Variants in UBAP2 observed in about 807,000 individuals in gnomAD.
The protein encoded by UBAP2 is ubiquitin-associated protein 2.
In UBAP2, 75 loss-of-function variants were observed where a neutral mutation model predicts 139.6. The ratio of observed to expected loss-of-function variants is 0.54; its 90% CI spans 0.45 to 0.65. UBAP2 has a LOEUF of 0.65. Among genes scored for constraint, UBAP2 ranks in the 30% least tolerant of loss-of-function variants. The pLI, the probability that UBAP2 is intolerant of heterozygous loss-of-function variation, is 0.00. For missense variants in UBAP2, 1,368 were observed against 1,369.6 expected, an observed-to-expected ratio of 1.00 and a Z score of 0.02; for synonymous variants, 526 against 526.2, an observed-to-expected ratio of 1.00 and a Z score of 0.01.
intron 15 of UBAP2, among the ~76,000 whole-genome samples, 169 bp downstream of exon 15, chr9:33,943,251 G>T (rs1825385293): frequency 6.6e-6 from 1 of 152,166 alleles, no homozygotes; most frequent in African/African-American, 2.4e-5. Context: ...AAGGGGCAGG[G>T]CAATGAAGAA....
chr9:33,999,987 G>A (rs1310461645), intron 2 of UBAP2, among the ~76,000 whole-genome samples: 3 of 151,698 alleles, frequency 2.0e-5, no homozygotes, highest in African/African-American at 7.3e-5. Flanking sequence ...TCACTCTGTC[G>A]CCCAGGCTGG....
rs201830433 is a variant in UBAP2 at position 33,929,589 on chromosome 9, T to TA, written c.2176-1598dup. Among the ~76,000 whole-genome samples, 479 of 151,302 alleles carry TA rather than the reference T, an allele frequency of 3.2e-3. 3 individuals carry two copies. The highest frequency in any genetic ancestry group is 0.011 in the African/African-American group (435 of 41,210). ...ATGGAAGAAAATACACAGATCTATG[T>TA]AAAAAAAAATCATAAACAGCAAACT... On this transcript the variant is annotated intron_variant, in intron 19 of 28. Transcript: ENST00000379238.
chr9:34,020,863 C>T lies in UBAP2; in HGVS notation c.-41-3674G>A, dbSNP rs1396499425. Among the ~76,000 whole-genome samples the T allele has an allele frequency of 2.6e-5, 4 of 151,438 alleles. No homozygotes were observed. In the South Asian group the frequency reaches 6.3e-4, roughly 24 times the overall value. On this transcript the variant is annotated intron_variant, in intron 1 of 28. Coordinates refer to ENST00000379238, the MANE Select transcript of UBAP2 (RefSeq NM_001370062.2). ...TTTTTTAGTAGAGACGGGGTTTCACCGTGTTAGCCAGGATGGTCGCGATCT... is the reference window on the plus strand; with the variant it reads ...TTTTTTAGTAGAGACGGGGTTTCACTGTGTTAGCCAGGATGGTCGCGATCT...
intron 6 of UBAP2, among the ~76,000 whole-genome samples, chr9:33,977,075 G>A (rs985730847): frequency 1.4e-5 from 2 of 141,958 alleles, no homozygotes; most frequent in African/African-American, 5.2e-5. Context: ...GTCTCACCCT[G>A]TAGCCCAGGC....
chr9:34,024,075 A>T (rs1825195040), intron 1 of UBAP2, among the ~76,000 whole-genome samples: 1 of 148,176 alleles, frequency 6.7e-6, no homozygotes, highest in Non-Finnish European at 1.5e-5. Flanking sequence ...TAGCAAATAC[A>T]AGGATGGGCG....
At chr9:33,963,908 T>C in intron 8 of UBAP2, 117 bp from the exon 9 acceptor site, 1 of 715,410 alleles carries the variant, frequency 1.4e-6, no homozygotes, top group Non-Finnish European at 2.5e-6. Context: ...CCAAGGATAG[T>C]GAAATGTAAT....
intron 8 of UBAP2, 42 bp from the exon 9 acceptor site, chr9:33,963,833 G>C: frequency 2.1e-6 from 3 of 1,437,918 alleles, no homozygotes; most frequent in Non-Finnish European, 2.9e-6. Flanking sequence ...CATATGAAAA[G>C]AATGAAAGTA....
intron 1 of UBAP2, among the ~76,000 whole-genome samples, chr9:34,024,257 G>A (rs948673429): frequency 2.0e-5 from 3 of 151,392 alleles, no homozygotes; most frequent in East Asian, 1.9e-4. Flanking sequence ...CAGGAGAATC[G>A]CTTGAACCCG....
intron 19 of UBAP2, among the ~76,000 whole-genome samples, chr9:33,929,476 G>A (rs913740893): frequency 1.3e-5 from 2 of 152,164 alleles, no homozygotes; most frequent in Non-Finnish European, 2.9e-5. Context: ...AACTCCCCAG[G>A]ACAGGCCCAG....
intron 1 of UBAP2, among the ~76,000 whole-genome samples, chr9:34,036,319 G>A (rs1423315801): frequency 6.6e-6 from 1 of 151,994 alleles, no homozygotes; most frequent in Non-Finnish European, 1.5e-5. Context: ...GTTTCTCCAT[G>A]TTGGTCAGGA....
intron 12 of UBAP2, among the ~76,000 whole-genome samples, chr9:33,949,698 G>T (rs1011935592): frequency 8.1e-5 from 12 of 148,502 alleles, no homozygotes; most frequent in Non-Finnish European, 1.6e-4. Flanking sequence ...GCTTAGACTC[G>T]TCTCTCATGT....
Position 33,956,351 on chromosome 9 carries a change from C to T in UBAP2, c.799-205G>A, listed in dbSNP as rs961951554. Reference sequence around the variant, plus strand: ...TTTTTTTTTTTGAGACAGGGTCTGGCGCTGTTGCCCAGGAAGGAGTGCAGT... The same window carrying T: ...TTTTTTTTTTTGAGACAGGGTCTGGTGCTGTTGCCCAGGAAGGAGTGCAGT... On this transcript the variant is annotated intron_variant, in intron 10 of 28. Coordinates refer to ENST00000379238, the MANE Select transcript of UBAP2 (RefSeq NM_001370062.2). Among the ~76,000 whole-genome samples, 12 of 146,490 alleles carry T rather than the reference C, an allele frequency of 8.2e-5. No homozygotes were observed. The East Asian group carries it at 1.6e-3, about 19-fold the overall frequency.
At chr9:33,980,220 CTTTTTTTTTTTTTTTTTTTTTTTTT>C (rs1173781682) in intron 6 of UBAP2, among the ~76,000 whole-genome samples, 43 of 49,136 alleles carry the variant, frequency 8.8e-4, no homozygotes, top group African/African-American at 3.1e-3. Flanking sequence ...AGTGTCATTT[CTTTTTTTTTTTTTTTTTTTTTTTTT>C]TTTTTGAGAC....
At chr9:33,977,031 G>GT (rs1395782123) in intron 6 of UBAP2, among the ~76,000 whole-genome samples, 3 of 143,604 alleles carry the variant, frequency 2.1e-5, no homozygotes, top group Non-Finnish European at 4.6e-5. Context: ...AAAAACAGTT[G>GT]TTTTTTATTT....
At chr9:33,967,047 T>C (rs1260994121) in intron 8 of UBAP2, among the ~76,000 whole-genome samples, 1 of 152,160 alleles carries the variant, frequency 6.6e-6, no homozygotes, top group Non-Finnish European at 1.5e-5. Context: ...TCTTCTTTAT[T>C]TTCTCTCAAT....
chr9:33,981,776 AAGGT>A (rs202125455), intron 6 of UBAP2, among the ~76,000 whole-genome samples: 34 of 137,042 alleles, frequency 2.5e-4, no homozygotes, highest in African/African-American at 8.1e-4. Flanking sequence ...GGTAGGTAGG[AAGGT>A]AGGAAGGAAG....
intron 6 of UBAP2, among the ~76,000 whole-genome samples, chr9:33,986,085 C>T (rs1375643688): frequency 1.3e-5 from 2 of 151,874 alleles, no homozygotes; most frequent in African/African-American, 4.8e-5. Flanking sequence ...CAGAGTCTTG[C>T]TCACTTGCCC....
intron 4 of UBAP2, chr9:33,995,413 ATATATT>A (rs1373585198): frequency 2.2e-5 from 3 of 138,140 alleles, no homozygotes; most frequent in Non-Finnish European, 4.6e-5. Flanking sequence ...TATAAAGTAT[ATATATT>A]TATATATTAT....
chr9:34,047,567 AC>A (rs1827716693), intron 1 of UBAP2, among the ~76,000 whole-genome samples: 1 of 152,226 alleles, frequency 6.6e-6, no homozygotes, highest in Non-Finnish European at 1.5e-5. Context: ...CTAGTCGCAT[AC>A]CCCTTGTTGA....
Sources: gnomAD v4.1 joint callset for allele counts (sites outside exome capture counted in the v4.1 genomes callset) on GRCh38, gnomAD v4.1.1 for gene constraint, MANE v1.5 for transcripts, NCBI Gene and HGNC (gene_info 2026-07-23, HGNC 2026-07-21) for gene names.